Variants in ERICH6 observed in about 807,000 individuals in gnomAD.
ERICH6 encodes glutamate rich 6.
Under a neutral mutation model 71.0 loss-of-function variants are expected in ERICH6, and 71 were observed. The ratio of observed to expected loss-of-function variants is 1.00; its 90% CI spans 0.83 to 1.22. The LOEUF (loss-of-function observed/expected upper bound fraction) is 1.22, where lower values mean the gene tolerates loss of function less well. Among genes scored for constraint, ERICH6 ranks in the 50% most tolerant of loss-of-function variants. The probability of loss-of-function intolerance (pLI) is 0.00; values close to 1 mark genes in which losing one functional copy is unlikely to be tolerated. For synonymous variants in ERICH6, 262 were observed against 278.4 expected (o/e 0.94, Z 0.59); for missense variants, 808 against 797.2 (o/e 1.01, Z -0.16).
At chr3:150,692,125 A>G (rs1712463243) in intron 3 of ERICH6, among the ~76,000 whole-genome samples, 1 of 152,188 alleles carries the variant, frequency 6.6e-6, no homozygotes, top group South Asian at 2.1e-4. Flanking sequence ...ATGAAGCATT[A>G]ACCAACTCCT....
rs894429325 is a variant in ERICH6 at position 150,675,169 on chromosome 3, A to G, written c.1258-1128T>C. Among the ~76,000 whole-genome samples the G allele has an allele frequency of 1.6e-4, 25 of 152,250 alleles. No individual in the cohort carries two copies. In the South Asian group the frequency reaches 3.7e-3, roughly 23 times the overall value. The stretch of plus-strand genomic sequence containing the variant: ...GGTAGGCTAAAATATCTCATTATGA[A>G]TATGGTTTTCTTTATTTCTCCTTTT... On this transcript the variant is annotated intron_variant, in intron 10 of 13. Transcript: ENST00000295910.
intron 3 of ERICH6, among the ~76,000 whole-genome samples, chr3:150,698,191 T>TCTATATTATTGC (rs145093356): frequency 0.03 from 4,640 of 152,294 alleles, 264 homozygotes; most frequent in African/African-American, 0.11. Context: ...ATTGTTGCCA[T>TCTATATTATTGC]CACCTTCACT....
intron 2 of ERICH6, 150 bp downstream of exon 2, chr3:150,701,971 A>G (rs915901406): frequency 3.8e-6 from 2 of 522,008 alleles, no homozygotes; most frequent in African/African-American, 2.0e-5. Context: ...TCTCTTTCAA[A>G]GTGTCTACCA....
chr3:150,688,502 CAA>C (rs1254008126), intron 3 of ERICH6, among the ~76,000 whole-genome samples: 1 of 152,110 alleles, frequency 6.6e-6, no homozygotes, highest in African/African-American at 2.4e-5. Context: ...GCTGCTATAA[CAA>C]AATGCCTTAA....
intron 10 of ERICH6, among the ~76,000 whole-genome samples, chr3:150,674,627 A>G (rs902749178): frequency 8.5e-5 from 13 of 152,190 alleles, no homozygotes; most frequent in African/African-American, 1.4e-4. Context: ...CCTTCCCCCA[A>G]TACACACACA....
intron 3 of ERICH6, among the ~76,000 whole-genome samples, chr3:150,688,075 G>A (rs770499664): frequency 6.6e-6 from 1 of 152,046 alleles, no homozygotes; most frequent in Non-Finnish European, 1.5e-5. Context: ...CTGAGATCAC[G>A]CCACTGCACT....
chr3:150,688,732 G>A (rs1439039022), intron 3 of ERICH6, among the ~76,000 whole-genome samples: 1 of 152,178 alleles, frequency 6.6e-6, no homozygotes. Flanking sequence ...CTCTACCTAC[G>A]ACCTGGGAGC....
chr3:150,687,816 A>G (rs1280351317), intron 3 of ERICH6, among the ~76,000 whole-genome samples: 1 of 152,182 alleles, frequency 6.6e-6, no homozygotes, highest in Non-Finnish European at 1.5e-5. Context: ...GGAGACAGAT[A>G]GGCTTCAGAA....
At chr3:150,684,792 C>CT (rs372988679) in intron 6 of ERICH6, among the ~76,000 whole-genome samples, 42 of 149,192 alleles carry the variant, frequency 2.8e-4, no homozygotes, top group East Asian at 1.2e-3. Flanking sequence ...TTCTTTCTTT[C>CT]TTTTTTTTTT....
chr3:150,666,445 T>C (rs1727417574), intron 13 of ERICH6, among the ~76,000 whole-genome samples: 1 of 152,212 alleles, frequency 6.6e-6, no homozygotes, highest in South Asian at 2.1e-4. Context: ...TCAGGTCTCC[T>C]GACCCAACCC....
chr3:150,680,594 A>G (rs546546643), intron 8 of ERICH6, 56 bp from the exon 9 acceptor site: 12 of 1,600,060 alleles, frequency 7.5e-6, no homozygotes, highest in Non-Finnish European at 9.4e-6. Context: ...AGCTTAAAAC[A>G]GTCTACTACA....
chr3:150,696,061 T>C (rs1242090909), intron 3 of ERICH6, among the ~76,000 whole-genome samples: 2 of 151,842 alleles, frequency 1.3e-5, no homozygotes, highest in Non-Finnish European at 2.9e-5. Flanking sequence ...CCATAGAAAT[T>C]AAGATAGTGT....
rs754482562 is a variant in ERICH6 at position 150,680,839 on chromosome 3, A to G, written c.974T>C (p.Ile325Thr). The G allele has an allele frequency of 2.5e-6, 4 of 1,614,104 alleles. No individual in the cohort carries two copies. The change falls in exon 8 of 14, where the codon ATT becomes ACT. Residue 325 changes from isoleucine to threonine, a missense_variant. Coordinates refer to ENST00000295910, the MANE Select transcript of ERICH6 (RefSeq NM_152394.5). ...ACTACCATGGGCTGCATGAGGGTCA[A>G]TAGCAATTAATTCAGCTTTAGGGGG... ...TKPPKAELIA[I>T]DPHAAHGSEV...
At chr3:150,674,118 C>A in intron 10 of ERICH6, 77 bp from the exon 11 acceptor site, 1 of 1,176,974 alleles carries the variant, frequency 8.5e-7, no homozygotes, top group Non-Finnish European at 1.2e-6. Context: ...TGGACATCAG[C>A]TGGTTACTAG....
chr3:150,703,814 C>A lies in ERICH6; in HGVS notation c.85G>T (p.Glu29Ter). The A allele has an allele frequency of 3.1e-6, 5 of 1,613,728 alleles. No individual in the cohort carries two copies. Among genetic ancestry groups the A allele is most frequent in the East Asian group, 2.2e-5 (1 of 44,782 alleles). ...TCCTCCTCCACCTCTTCCTCCTCCT[C>A]CTCCTCCTCTAACTCCTCCTCTGAC... ...KESEEELEEE[E>*]EEEEVEEEEE... Residue 29 changes from glutamate to a stop codon, truncating the protein, a stop_gained, in exon 1 of 14, where the codon GAG becomes TAG. Transcript: ENST00000295910. LOFTEE classifies it high-confidence loss of function.
chr3:150,690,398 A>T (rs562027035), intron 3 of ERICH6, among the ~76,000 whole-genome samples: 1 of 145,160 alleles, frequency 6.9e-6, no homozygotes, highest in African/African-American at 2.7e-5. Flanking sequence ...TGAATGTCTA[A>T]GATAGGGAAA....
intron 6 of ERICH6, among the ~76,000 whole-genome samples, chr3:150,685,060 C>G (rs528182952): frequency 1.3e-5 from 2 of 152,064 alleles, no homozygotes; most frequent in East Asian, 3.9e-4. Flanking sequence ...TCTCTGTCAC[C>G]CAGGCTGCTC....
At chr3:150,664,190 GTCA>G (rs1727318835) in intron 13 of ERICH6, among the ~76,000 whole-genome samples, 1 of 151,964 alleles carries the variant, frequency 6.6e-6, no homozygotes, top group Admixed American at 6.6e-5. Context: ...CCACTGAGAA[GTCA>G]TTAAATTTCA....
Position 150,680,927 on chromosome 3 carries a change from A to T in ERICH6, c.886T>A (p.Ser296Thr). ...AGATTTTGGAAAGCAATACAACAGG[A>T]GGCCTGGAAAACACAGAAGTTACTC... ...DVSSEPKGHA[S>T]CCIAFQNLID... is the part of the protein sequence containing the mutation. The change falls in exon 8 of 14, where the codon TCC (serine) becomes ACC (threonine). Residue 296 changes from serine to threonine, a missense_variant. Physicochemically the swap from Ser to Thr is moderately conservative, Grantham distance 58. Transcript: ENST00000295910. 6.2e-7 allele frequency: 1 copy of T among 1,606,966 alleles called. No individual in the cohort carries two copies. Among genetic ancestry groups the T allele is most frequent in the Non-Finnish European group, 8.5e-7 (1 of 1,177,344 alleles).
Sources: gnomAD v4.1 joint callset for allele counts (sites outside exome capture counted in the v4.1 genomes callset) on GRCh38, gnomAD v4.1.1 for gene constraint, MANE v1.5 for transcripts, NCBI Gene and HGNC (gene_info 2026-07-23, HGNC 2026-07-21) for gene names.